Variants in ZC3H3 observed in about 807,000 individuals in gnomAD.
ZC3H3 encodes zinc finger CCCH-type containing 3.
ZC3H3 carries 36 observed loss-of-function variants against 77.3 expected under a neutral mutation model. The observed-to-expected ratio is 0.47, with a 90% confidence interval of 0.36 to 0.61. The LOEUF (loss-of-function observed/expected upper bound fraction) is 0.61, where lower values mean the gene tolerates loss of function less well. Ranked by LOEUF, ZC3H3 falls within the 20% of genes least tolerant of loss-of-function variation. The pLI, the probability that ZC3H3 is intolerant of heterozygous loss-of-function variation, is 0.00. For missense variants in ZC3H3, 1,331 were observed against 1,312.2 expected (o/e 1.01, Z -0.22); for synonymous variants, 626 against 555.2 (o/e 1.13, Z -1.79).
At chr8:143,504,199 C>T (rs1033621621) in intron 4 of ZC3H3, among the ~76,000 whole-genome samples, 12 of 152,306 alleles carry the variant, frequency 7.9e-5, no homozygotes, top group Admixed American at 2.6e-4. Context: ...TGGGGCTCTC[C>T]AACCGAAAGC....
chr8:143,470,653 T>C (rs1820538087), intron 5 of ZC3H3, among the ~76,000 whole-genome samples: 1 of 152,238 alleles, frequency 6.6e-6, no homozygotes, highest in African/African-American at 2.4e-5. Flanking sequence ...TGGCATCACG[T>C]GCCCGCCTGG....
In ZC3H3 at chr8:143,533,393, C is replaced by G. The variant is rs527316622; in HGVS notation, c.1561+2864G>C. On this transcript the variant is annotated intron_variant, in intron 3 of 11. Coordinates refer to ENST00000262577, the MANE Select transcript of ZC3H3 (RefSeq NM_015117.3). The surrounding 1 kb of genome is among the most constrained non-coding windows in gnomAD (Gnocchi z 4.0). Reference sequence around the variant, plus strand: ...GCCAACCACCTCTCTGCAGCTGGCCCTGTGCTCTCCCCCTGCCTGTTCCTC... The same window carrying G: ...GCCAACCACCTCTCTGCAGCTGGCCGTGTGCTCTCCCCCTGCCTGTTCCTC... Among the ~76,000 whole-genome samples, 11 of 152,336 alleles carry G rather than the reference C, an allele frequency of 7.2e-5. No individual in the cohort carries two copies. The East Asian group carries it at 2.1e-3, about 29-fold the overall frequency.
chr8:143,508,047 A>C, intron 3 of ZC3H3, 148 bp from the exon 4 acceptor site: 2 of 964,284 alleles, frequency 2.1e-6, no homozygotes, highest in Non-Finnish European at 2.9e-6. Flanking sequence ...CCCTCAACCC[A>C]TGTGGCACAC....
At chr8:143,540,559 C>T (rs1822977164) in intron 1 of ZC3H3, among the ~76,000 whole-genome samples, 1 of 152,150 alleles carries the variant, frequency 6.6e-6, no homozygotes, top group African/African-American at 2.4e-5. Context: ...TTAGAAAGAC[C>T]AATTTGGGTT....
At chr8:143,457,291 TC>T (rs1356713482) in intron 9 of ZC3H3, among the ~76,000 whole-genome samples, 1 of 152,152 alleles carries the variant, frequency 6.6e-6, no homozygotes, top group East Asian at 1.9e-4. Flanking sequence ...CAGGAAAATC[TC>T]AAAACACTTG....
At chr8:143,463,360 TG>T (rs2129858766) in intron 9 of ZC3H3, among the ~76,000 whole-genome samples, 1 of 152,270 alleles carries the variant, frequency 6.6e-6, no homozygotes, top group African/African-American at 2.4e-5. Context: ...TGGGAGCATC[TG>T]GGTGCCAGAA....
chr8:143,500,838 C>CTTTTTTTT, intron 4 of ZC3H3, among the ~76,000 whole-genome samples: 1 of 141,554 alleles, frequency 7.1e-6, no homozygotes. Flanking sequence ...TTTTTTGAGA[C>CTTTTTTTT]TATCTCACTC....
chr8:143,464,737 G>A (rs901131046), intron 9 of ZC3H3, among the ~76,000 whole-genome samples: 1 of 152,162 alleles, frequency 6.6e-6, no homozygotes, highest in Non-Finnish European at 1.5e-5. Context: ...GTGAGGTCCA[G>A]GTGGCAGTGA....
At position 143,490,127 on chromosome 8, in the gene ZC3H3, G is replaced by A. The variant is rs1402527098; in HGVS notation, c.1716-14542C>T. ...GTACTGGGGATGGGGCAGGGGCGGC[G>A]GGGGTGAAGGGGGCCATGAGGAAGG... On this transcript the variant is annotated intron_variant, in intron 4 of 11. Transcript: ENST00000262577. 4.6e-5 allele frequency among the ~76,000 whole-genome samples: 7 copies of A among 152,180 alleles called. No homozygotes were observed. In the South Asian group the frequency reaches 6.2e-4, roughly 14 times the overall value.
intron 8 of ZC3H3, among the ~76,000 whole-genome samples, chr8:143,467,918 G>T (rs1348157103): frequency 6.6e-6 from 1 of 152,206 alleles, no homozygotes. Flanking sequence ...CTAGGCATGT[G>T]TAAGGGGGGC....
At chr8:143,514,693 A>G (rs1339834004) in intron 3 of ZC3H3, among the ~76,000 whole-genome samples, 1 of 152,106 alleles carries the variant, frequency 6.6e-6, no homozygotes, top group African/African-American at 2.4e-5. Flanking sequence ...TGCAGTTCAA[A>G]TGCAGCCCAG....
rs1201105947 is a variant in ZC3H3, at chr8:143,462,812, A to AT, written c.2307+2904dup. Among the ~76,000 whole-genome samples the AT allele has an allele frequency of 6.6e-6, 1 of 152,136 alleles. No individual in the cohort carries two copies. On this transcript the variant is annotated intron_variant, in intron 9 of 11. Transcript: ENST00000262577. This position sits in a 1 kb window ranked among gnomAD's most constrained non-coding sequence, Gnocchi z 4.7. ...TGTCACCCCTGCACACGTGCACACG[A>AT]TGCTCCCCAGCCCTGTGCACTGGGG...
rs201025784 is a variant in ZC3H3 at position 143,507,894 on chromosome 8, T to C, written c.1567A>G (p.Ser523Gly). 1.6e-5 allele frequency: 25 copies of C among 1,589,750 alleles called. No individual in the cohort carries two copies. Among genetic ancestry groups the C allele is most frequent in the Middle Eastern group, 1.7e-4 (1 of 5,930 alleles). ...RAHLPTKEAS[S>G]LHAVRTAPTS... Reference sequence around the variant, plus strand: ...GGTGCAGTCCGCACGGCATGCAGGCTGGACGCTGTAGAGAAAACCCAGGGC... The same window carrying C: ...GGTGCAGTCCGCACGGCATGCAGGCCGGACGCTGTAGAGAAAACCCAGGGC... The change falls in exon 4 of 12, where the codon AGC becomes GGC. Residue 523 changes from serine (S) to glycine (G), a missense_variant. Ser to Gly is a moderately conservative substitution (Grantham distance 56). This residue lies in a region of ZC3H3 where 978 missense variants were observed against 915.5 expected (regional missense o/e 1.07). Coordinates refer to ENST00000262577, the MANE Select transcript of ZC3H3 (RefSeq NM_015117.3).
At chr8:143,490,048 C>T (rs1328117882) in intron 4 of ZC3H3, among the ~76,000 whole-genome samples, 1 of 152,212 alleles carries the variant, frequency 6.6e-6, no homozygotes, top group Non-Finnish European at 1.5e-5. Flanking sequence ...CCCTTAGACA[C>T]CCGTGGTTCC....
At chr8:143,504,119 G>A (rs1008605057) in intron 4 of ZC3H3, among the ~76,000 whole-genome samples, 1 of 152,182 alleles carries the variant, frequency 6.6e-6, no homozygotes, top group African/African-American at 2.4e-5. Context: ...TCCCAGAGGA[G>A]GGAACAGGCC....
At chr8:143,535,721 G>A (rs1441497563) in intron 3 of ZC3H3, among the ~76,000 whole-genome samples, 1 of 152,236 alleles carries the variant, frequency 6.6e-6, no homozygotes, top group East Asian at 1.9e-4. Context: ...GGGCTCTCAG[G>A]GGCTCAGACC....
At chr8:143,513,005 G>C (rs971802460) in intron 3 of ZC3H3, among the ~76,000 whole-genome samples, 6 of 152,080 alleles carry the variant, frequency 3.9e-5, no homozygotes, top group Non-Finnish European at 5.9e-5. Context: ...CAGAGGAGTC[G>C]GGGCTGCAAG....
At chr8:143,483,729 A>G (rs1050594849) in intron 4 of ZC3H3, among the ~76,000 whole-genome samples, 3 of 152,194 alleles carry the variant, frequency 2.0e-5, no homozygotes, top group Non-Finnish European at 4.4e-5. Flanking sequence ...CTCATCTCAC[A>G]GAAAGAACCC....
intron 9 of ZC3H3, among the ~76,000 whole-genome samples, chr8:143,452,689 A>G (rs1820019182): frequency 6.6e-6 from 1 of 152,360 alleles, no homozygotes; most frequent in South Asian, 2.1e-4. Context: ...AATAACTGAA[A>G]TAAAAAACTC....
Sources: allele counts gnomAD v4.1 joint callset (sites outside exome capture counted in the v4.1 genomes callset), GRCh38; gene constraint gnomAD v4.1.1; regional missense constraint gnomAD v4.1.1; non-coding constraint Gnocchi (gnomAD v3.1); transcripts MANE v1.5; gene names NCBI Gene and HGNC (gene_info 2026-07-23, HGNC 2026-07-21).